The following PARVB variants were observed in gnomAD, a reference collection of about 807,000 sequenced individuals.
PARVB encodes the protein beta-parvin.
A neutral mutation model predicts 47.0 loss-of-function variants in PARVB; 46 were observed. The observed-to-expected ratio is 0.98, with a 90% CI of 0.77 to 1.25. The LOEUF (loss-of-function observed/expected upper bound fraction) is 1.25. PARVB is among the 50% of genes most tolerant of loss of function. The pLI, the probability that PARVB is intolerant of heterozygous loss-of-function variation, is 0.00. For synonymous variants in PARVB, 196 were observed against 196.3 expected, an observed-to-expected ratio of 1.00 and a Z score of 0.01; for missense variants, 473 against 471.6, an observed-to-expected ratio of 1.00 and a Z score of -0.03.
intron 10 of PARVB, among the ~76,000 whole-genome samples, chr22:44,154,657 G>A (rs1039693072): frequency 3.1e-5 from 4 of 128,546 alleles, no homozygotes; most frequent in Non-Finnish European, 6.8e-5. Context: ...TGTGGTTTAC[G>A]TAGTCTGTGT....
chr22:44,017,587 A>G (rs997066494), intron 2 of PARVB, among the ~76,000 whole-genome samples: 5 of 152,222 alleles, frequency 3.3e-5, no homozygotes, highest in African/African-American at 4.8e-5. Flanking sequence ...TGTCTCTGCC[A>G]TGTTCAAATT....
chr22:44,006,556 C>T (rs2050467169), intron 2 of PARVB, among the ~76,000 whole-genome samples: 1 of 152,184 alleles, frequency 6.6e-6, no homozygotes, highest in South Asian at 2.1e-4. Flanking sequence ...GCCCAGAAGG[C>T]AGAGGTTGCA....
At chr22:44,031,193 C>G in intron 1 of PARVB, among the ~76,000 whole-genome samples, 1 of 152,238 alleles carries the variant, frequency 6.6e-6, no homozygotes, top group African/African-American at 2.4e-5. Flanking sequence ...CACTGCGACG[C>G]TGCCCAGCAC....
intron 1 of PARVB, chr22:44,069,055 G>C: frequency 6.6e-7 from 1 of 1,505,740 alleles, no homozygotes; most frequent in Non-Finnish European, 9.2e-7. Context: ...AGTCATAGTG[G>C]CGCCCCTGCC....
chr22:44,159,234 C>T (rs2054001048), intron 11 of PARVB, among the ~76,000 whole-genome samples: 1 of 152,212 alleles, frequency 6.6e-6, no homozygotes, highest in Non-Finnish European at 1.5e-5. Context: ...TGGCTGGTTG[C>T]AGACACATTG....
At chr22:44,058,688 G>A (rs560879328) in intron 1 of PARVB, among the ~76,000 whole-genome samples, 2 of 151,674 alleles carry the variant, frequency 1.3e-5, no homozygotes, top group East Asian at 3.9e-4. Flanking sequence ...CTGAGTAGCT[G>A]GGATTACAGG....
At chr22:44,160,830 T>G (rs2054034785) in intron 11 of PARVB, among the ~76,000 whole-genome samples, 1 of 152,160 alleles carries the variant, frequency 6.6e-6, no homozygotes, top group African/African-American at 2.4e-5. Context: ...TCTCATGGTG[T>G]AGGGGTGACC....
chr22:44,071,237 C>T (rs2051648228), intron 1 of PARVB, among the ~76,000 whole-genome samples: 2 of 152,156 alleles, frequency 1.3e-5, no homozygotes, highest in African/African-American at 2.4e-5. Flanking sequence ...ACGACTCCTC[C>T]ACCTCCTTGA....
chr22:44,123,294 T>C (rs921139963), intron 4 of PARVB, among the ~76,000 whole-genome samples: 1 of 152,134 alleles, frequency 6.6e-6, no homozygotes, highest in African/African-American at 2.4e-5. Flanking sequence ...ATGAGAGCAG[T>C]TTTGGCGCAG....
chr22:44,122,488 AAGAGAGAGAGAG>A (rs766162295), intron 4 of PARVB, among the ~76,000 whole-genome samples: 2,402 of 76,616 alleles, frequency 0.031, 172 homozygotes, highest in African/African-American at 0.13. Flanking sequence ...CCTGTCGATC[AAGAGAGAGAGAG>A]AGAGAGAGAG....
chr22:44,023,337 C>G (rs985724643), upstream of PARVB, among the ~76,000 whole-genome samples: 4 of 151,594 alleles, frequency 2.6e-5, no homozygotes, highest in African/African-American at 9.7e-5. Flanking sequence ...ATGGCAAAAC[C>G]GCATCTCTAC....
intron 1 of PARVB, chr22:44,081,541 T>C: frequency 1.1e-6 from 1 of 939,568 alleles, no homozygotes; most frequent in Non-Finnish European, 1.3e-6. Context: ...CATTAATTAA[T>C]ACGAGTTTCA....
intron 1 of PARVB, among the ~76,000 whole-genome samples, chr22:44,042,967 C>A (rs759792327): frequency 1.1e-4 from 17 of 152,118 alleles, no homozygotes; most frequent in Non-Finnish European, 2.2e-4. Context: ...GGTTTACTGG[C>A]GCACTCTGTG....
At chr22:44,001,858 A>G (rs1461010968) in intron 2 of PARVB, among the ~76,000 whole-genome samples, 3 of 152,202 alleles carry the variant, frequency 2.0e-5, no homozygotes, top group South Asian at 2.1e-4. Context: ...CCTGGACCCA[A>G]TCACCCAGGG....
At chr22:44,009,647 A>T (rs2050501777) in intron 2 of PARVB, 1 of 150,834 alleles carries the variant, frequency 6.6e-6, no homozygotes, top group African/African-American at 2.4e-5. Context: ...CATATATATA[A>T]AATAGGTTTT....
chr22:44,154,976 G>T (rs893084991), intron 10 of PARVB, among the ~76,000 whole-genome samples: 1 of 120,460 alleles, frequency 8.3e-6, no homozygotes, highest in African/African-American at 3.2e-5. Context: ...AGTCTGTGTG[G>T]TGTGTGTGTG....
intron 8 of PARVB, chr22:44,141,417 A>G (rs937328356): frequency 1.3e-5 from 2 of 152,256 alleles, no homozygotes; most frequent in African/African-American, 4.8e-5. Flanking sequence ...GGCAGGAAGC[A>G]TCCAGTATGG....
intron 1 of PARVB, among the ~76,000 whole-genome samples, chr22:44,064,260 C>T (rs1043361290): frequency 2.0e-5 from 3 of 152,236 alleles, no homozygotes; most frequent in African/African-American, 2.4e-5. Flanking sequence ...TGTTTGGAAG[C>T]GTGGCCGTGG....
intron 1 of PARVB, among the ~76,000 whole-genome samples, chr22:44,053,946 T>C (rs1400464419): frequency 6.6e-6 from 1 of 152,184 alleles, no homozygotes; most frequent in East Asian, 1.9e-4. Context: ...GCTCCCTGAA[T>C]CCTGCCTTCC....
Sources: gnomAD v4.1 joint callset for allele counts (sites outside exome capture counted in the v4.1 genomes callset) on GRCh38, gnomAD v4.1.1 for gene constraint, MANE v1.5 for transcripts, NCBI Gene and HGNC (gene_info 2026-07-23, HGNC 2026-07-21) for gene names.